Variants in TOP1 observed in about 807,000 individuals in gnomAD.
TOP1 encodes the protein DNA topoisomerase 1.
In TOP1, 10 loss-of-function variants were observed where a neutral mutation model predicts 111.1. The observed-to-expected ratio is 0.09, with a 90% CI of 0.06 to 0.15. TOP1 has a LOEUF of 0.15. Ranked by LOEUF, TOP1 falls within the 10% of genes least tolerant of loss-of-function variation. TOP1 has a pLI of 1.00. For missense variants in TOP1, 474 were observed against 926.7 expected (o/e 0.51, Z 6.34); for synonymous variants, 271 against 302.9 (o/e 0.89, Z 1.10).
intron 2 of TOP1, among the ~76,000 whole-genome samples, chr20:41,056,445 C>G (rs1231142833): frequency 1.3e-5 from 2 of 152,078 alleles, no homozygotes; most frequent in Non-Finnish European, 2.9e-5. Context: ...ATGTAATACA[C>G]TTTTTGACAC....
Position 41,115,591 on chromosome 20 carries a change from C to A in TOP1, c.1707+152C>A. Reference sequence around the variant, plus strand: ...ACACTCTCTCTTCCTCCCTCTGAGTCCACGGTGAATCTGTAGTCAAGAGAA... The same window carrying A: ...ACACTCTCTCTTCCTCCCTCTGAGTACACGGTGAATCTGTAGTCAAGAGAA... On this transcript the variant is annotated intron_variant, in intron 16 of 20. Coordinates refer to ENST00000361337, the MANE Select transcript of TOP1 (RefSeq NM_003286.4). The surrounding 1 kb of genome is among the most constrained non-coding windows in gnomAD (Gnocchi z 6.3). 1 of 590,418 alleles carries A rather than the reference C, an allele frequency of 1.7e-6. No homozygotes were observed. The highest frequency in any genetic ancestry group is 3.0e-6 in the Non-Finnish European group (1 of 329,488). The allele number at this position is 590,418 out of a possible 1,614,324, so 36.6% of individuals were successfully genotyped here. A position where few individuals can be genotyped will look rare whatever the true frequency, so the allele number is the denominator to read the frequency against.
chr20:41,041,748 TCTGA>T (rs1179971371), intron 2 of TOP1, among the ~76,000 whole-genome samples: 1 of 152,170 alleles, frequency 6.6e-6, no homozygotes, highest in South Asian at 2.1e-4. Flanking sequence ...CCCAAATGAT[TCTGA>T]CTAATGCAGG....
rs2033641510 is a variant in TOP1 at position 41,069,056 on chromosome 20, G to T, written c.156-7115G>T. 6.6e-6 allele frequency among the ~76,000 whole-genome samples: 1 copy of T among 152,178 alleles called. No individual in the cohort carries two copies. The highest frequency in any genetic ancestry group is 2.4e-5 in the African/African-American group (1 of 41,438). ...GGGAAGTACTTTTCCAGCCATATTG[G>T]CAGTGCTATTCTGTACTGTCAGTGT... On this transcript the variant is annotated intron_variant, in intron 3 of 20. Coordinates refer to ENST00000361337, the MANE Select transcript of TOP1 (RefSeq NM_003286.4). This position sits in a 1 kb window ranked among gnomAD's most constrained non-coding sequence, Gnocchi z 4.1.
chr20:41,090,192 C>A (rs1463010039), intron 8 of TOP1, among the ~76,000 whole-genome samples: 1 of 152,126 alleles, frequency 6.6e-6, no homozygotes, highest in Non-Finnish European at 1.5e-5. Flanking sequence ...CCAGGCTGGT[C>A]TCGAACTCCT....
chr20:41,085,035 A>T (rs1307445736), intron 8 of TOP1, among the ~76,000 whole-genome samples: 2 of 151,958 alleles, frequency 1.3e-5, no homozygotes, highest in Non-Finnish European at 2.9e-5. Context: ...TTTACATTTG[A>T]TACATCAAAG....
chr20:41,100,533 C>T lies in TOP1; in HGVS notation c.1163+290C>T. 1 of 302,484 alleles carries T rather than the reference C, an allele frequency of 3.3e-6. No homozygotes were observed. Among genetic ancestry groups the T allele is most frequent in the Non-Finnish European group, 6.1e-6 (1 of 163,116 alleles). 18.7% of individuals were successfully genotyped at this position (302,484 alleles called of 1,614,324 possible). On this transcript the variant is annotated intron_variant, in intron 12 of 20. Coordinates refer to ENST00000361337, the MANE Select transcript of TOP1 (RefSeq NM_003286.4). This position sits in a 1 kb window ranked among gnomAD's most constrained non-coding sequence, Gnocchi z 4.4. ...CCACCCCCAAATTTAATGTCTTTTC[C>T]ATGTTTATTAAGTACTTATCACATA...
At chr20:41,084,691 C>T (rs762955400) in intron 8 of TOP1, 123 bp downstream of exon 8, 3 of 590,030 alleles carry the variant, frequency 5.1e-6, no homozygotes, top group Admixed American at 3.3e-5. Flanking sequence ...AACAATTTCT[C>T]TAGAGTAACT....
chr20:41,047,666 G>A (rs560307265), intron 2 of TOP1, among the ~76,000 whole-genome samples: 2 of 152,342 alleles, frequency 1.3e-5, no homozygotes, highest in South Asian at 4.1e-4. Context: ...GGTAGTTTTT[G>A]TGCTACTGTG....
chr20:41,029,116 A>T lies in TOP1; in HGVS notation c.33+16A>T. ...CGATTCCCAGGTACGGCCCGGCCTG[A>T]CCCTGGCGGCCCCGGACCCCGGCCT... is the stretch of plus-strand genomic sequence containing the variant. On this transcript the variant is annotated intron_variant, in intron 1 of 20. Transcript: ENST00000361337. This position sits in a 1 kb window ranked among gnomAD's most constrained non-coding sequence, Gnocchi z 6.1. 4.0e-6 allele frequency: 6 copies of T among 1,493,480 alleles called. No individual in the cohort carries two copies. Among genetic ancestry groups the T allele is most frequent in the Non-Finnish European group, 5.3e-6 (6 of 1,123,544 alleles). 92.5% of individuals were successfully genotyped at this position (1,493,480 alleles called of 1,614,324 possible).
At chr20:41,087,384 C>A (rs1221571548) in intron 8 of TOP1, among the ~76,000 whole-genome samples, 1 of 152,212 alleles carries the variant, frequency 6.6e-6, no homozygotes, top group Non-Finnish European at 1.5e-5. Context: ...CAGGGCTGAC[C>A]TGGGAATATA....
intron 2 of TOP1, among the ~76,000 whole-genome samples, chr20:41,042,263 A>G (rs2033276686): frequency 1.3e-5 from 2 of 152,208 alleles, no homozygotes; most frequent in South Asian, 4.1e-4. Flanking sequence ...ATATATGTTT[A>G]TAAAAGCTTG....
rs776740150 is a variant in TOP1 at position 41,084,463 on chromosome 20, A to G, written c.509A>G (p.Asp170Gly). ...EKKRKLEEEE[D>G]GKLKKPKNKD... ...CTTTCTCACCATGTTTCTTTGTAGGATGGTAAATTGAAAAAACCCAAGAAT... is the reference window on the plus strand; with the variant it reads ...CTTTCTCACCATGTTTCTTTGTAGGGTGGTAAATTGAAAAAACCCAAGAAT... Residue 170 changes from aspartate to glycine, a missense_variant and splice_region_variant, in exon 8 of 21, where the codon GAT (aspartate) becomes GGT (glycine). Physicochemically the swap from Asp to Gly is moderately conservative, Grantham distance 94 (BLOSUM62 -1). Around this residue, in one of 14 missense-constraint regions of TOP1, gnomAD observed 185 missense variants for 226.3 expected, o/e 0.82. Transcript: ENST00000361337. The G allele has an allele frequency of 3.1e-5, 48 of 1,534,946 alleles. 1 individual carries two copies. In the South Asian group the frequency reaches 5.3e-4, roughly 17 times the overall value.
chr20:41,093,719 TG>T (rs2033947951), intron 9 of TOP1, among the ~76,000 whole-genome samples: 2 of 152,246 alleles, frequency 1.3e-5, no homozygotes, highest in Admixed American at 1.3e-4. Flanking sequence ...GCAGGATAAC[TG>T]CTGAAAAGCA....
chr20:41,065,397 C>T (rs1470018785), intron 3 of TOP1, among the ~76,000 whole-genome samples: 2 of 152,202 alleles, frequency 1.3e-5, no homozygotes, highest in Non-Finnish European at 1.5e-5. Flanking sequence ...TCATTTTTCA[C>T]ACAATTGTGT....
chr20:41,034,824 T>C lies in TOP1; in HGVS notation c.58+5369T>C, dbSNP rs1236707227. On this transcript the variant is annotated intron_variant, in intron 2 of 20. Transcript: ENST00000361337. This position sits in a 1 kb window ranked among gnomAD's most constrained non-coding sequence, Gnocchi z 4.0. ...TGTGTCATTTATGTCTCTTAACGTTTAGTAAGAAAGAAATTCCAAGGAAGG... is the reference window on the plus strand; with the variant it reads ...TGTGTCATTTATGTCTCTTAACGTTCAGTAAGAAAGAAATTCCAAGGAAGG... Among the ~76,000 whole-genome samples, 3 of 152,186 alleles carry C rather than the reference T, an allele frequency of 2.0e-5. No individual in the cohort carries two copies. The highest frequency in any genetic ancestry group is 7.2e-5 in the African/African-American group (3 of 41,426).
chr20:41,121,763 A>C lies in TOP1; in HGVS notation c.2018A>C (p.Lys673Thr). 1 of 1,614,216 alleles carries C rather than the reference A, an allele frequency of 6.2e-7. No homozygotes were observed. The highest frequency in any genetic ancestry group is 1.1e-5 in the South Asian group (1 of 91,086). ...CTGAAAAGTGCTAAGGCTGATGCCA[A>C]GGTCATGAAGGATGCAAAGACGAAG... ...RDLKSAKADA[K>T]VMKDAKTKKV... is the part of the protein sequence containing the mutation. Residue 673 changes from lysine (K) to threonine (T), a missense_variant, in exon 19 of 21, where the codon AAG (lysine) becomes ACG (threonine). Physicochemically the swap from Lys to Thr is moderately conservative, Grantham distance 78 (BLOSUM62 -1). This residue lies in a region of TOP1 where 36 missense variants were observed against 42.3 expected (regional missense o/e 0.85). Coordinates refer to ENST00000361337, the MANE Select transcript of TOP1 (RefSeq NM_003286.4). The surrounding 1 kb of genome is among the most constrained non-coding windows in gnomAD (Gnocchi z 4.2).
At chr20:41,090,702 C>T (rs1313722042) in intron 8 of TOP1, among the ~76,000 whole-genome samples, 3 of 150,612 alleles carry the variant, frequency 2.0e-5, no homozygotes, top group African/African-American at 7.3e-5. Context: ...GGGGGGGTCT[C>T]GCCATGTTGG....
rs1324091522 is a variant in TOP1, at chr20:41,109,730, A to G, written c.1309-3052A>G. On this transcript the variant is annotated intron_variant, in intron 13 of 20. Transcript: ENST00000361337. This position sits in a 1 kb window ranked among gnomAD's most constrained non-coding sequence, Gnocchi z 4.1. ...AAATGAAAGAGTGCTCGACATCACT[A>G]ATTATCAGTGGAGTGAAGATTTAAC... Among the ~76,000 whole-genome samples the G allele has an allele frequency of 1.3e-5, 2 of 152,102 alleles. No homozygotes were observed. The highest frequency in any genetic ancestry group is 4.8e-5 in the African/African-American group (2 of 41,342).
chr20:41,076,815 A>C (rs928370980), intron 4 of TOP1, among the ~76,000 whole-genome samples: 1 of 152,234 alleles, frequency 6.6e-6, no homozygotes, highest in Non-Finnish European at 1.5e-5. Context: ...CTATGAAATA[A>C]GGAATATGGT....
Sources: gnomAD v4.1 joint callset for allele counts (sites outside exome capture counted in the v4.1 genomes callset) on GRCh38, gnomAD v4.1.1 for gene constraint, gnomAD v4.1.1 regional missense constraint, Gnocchi (gnomAD v3.1) non-coding constraint, MANE v1.5 for transcripts, NCBI Gene and HGNC (gene_info 2026-07-23, HGNC 2026-07-21) for gene names.